Variants in NDUFAF6 observed in about 807,000 individuals in gnomAD.
The protein encoded by NDUFAF6 is NADH:ubiquinone oxidoreductase complex assembly factor 6.
In NDUFAF6, 45 loss-of-function variants were observed where a neutral mutation model predicts 40.8. The ratio of observed to expected loss-of-function variants is 1.10; its 90% CI spans 0.87 to 1.42. NDUFAF6 has a LOEUF of 1.42. NDUFAF6 is among the 40% of genes most tolerant of loss of function. The pLI, the probability that NDUFAF6 is intolerant of heterozygous loss-of-function variation, is 0.00. For missense variants in NDUFAF6, 435 were observed against 418.5 expected, an observed-to-expected ratio of 1.04 and a Z score of -0.34; for synonymous variants, 185 against 155.9, an observed-to-expected ratio of 1.19 and a Z score of -1.39.
At chr8:94,935,128 T>TATAGATAG (rs56734843) in intron 1 of NDUFAF6, among the ~76,000 whole-genome samples, 40,984 of 144,468 alleles carry the variant, frequency 0.28, 6,028 homozygotes, top group Middle Eastern at 0.32. Context: ...GGTAGATAGA[T>TATAGATAG]ATAGATAGAT....
upstream of NDUFAF6, among the ~76,000 whole-genome samples, chr8:95,099,666 C>T (rs1303343969): frequency 6.6e-6 from 1 of 152,110 alleles, no homozygotes; most frequent in East Asian, 1.9e-4. Flanking sequence ...GGAGAGCTCC[C>T]CTAGCAGTAG....
chr8:95,106,385 G>A (rs890721480), downstream of NDUFAF6, among the ~76,000 whole-genome samples: 15 of 152,206 alleles, frequency 9.9e-5, no homozygotes, highest in African/African-American at 3.6e-4. Context: ...AATGGGGAAA[G>A]GATTCCTATT....
chr8:94,976,349 C>T (rs1824933348), intron 1 of NDUFAF6, among the ~76,000 whole-genome samples: 1 of 151,652 alleles, frequency 6.6e-6, no homozygotes. Context: ...ACTAAAAATA[C>T]AAAAATTAGC....
chr8:95,042,344 T>C (rs888879989), intron 4 of NDUFAF6, among the ~76,000 whole-genome samples: 1 of 152,210 alleles, frequency 6.6e-6, no homozygotes, highest in Admixed American at 6.5e-5. Flanking sequence ...GTAAGTTTAC[T>C]TAGTTTATTT....
intron 3 of NDUFAF6, among the ~76,000 whole-genome samples, chr8:95,039,463 A>AAG (rs1554672246): frequency 3.1e-4 from 46 of 149,172 alleles, no homozygotes; most frequent in African/African-American, 1.1e-3. Context: ...AAAAAAAAAA[A>AAG]GGGGGGGTTT....
intron 9 of NDUFAF6, among the ~76,000 whole-genome samples, chr8:95,064,540 CGTGT>C (rs10559024): frequency 4.0e-4 from 60 of 149,478 alleles, no homozygotes; most frequent in East Asian, 1.4e-3. Flanking sequence ...ATCATTTATT[CGTGT>C]GTGTGTGTGT....
At chr8:95,036,361 C>T (rs1399577717) in intron 3 of NDUFAF6, 2 of 1,289,218 alleles carry the variant, frequency 1.6e-6, no homozygotes, top group Admixed American at 2.3e-5. Flanking sequence ...AGTGGTACAC[C>T]TCTTCTCAGG....
intron 1 of NDUFAF6, among the ~76,000 whole-genome samples, chr8:94,914,386 T>C (rs1818988880): frequency 6.6e-6 from 1 of 152,164 alleles, no homozygotes; most frequent in Admixed American, 6.5e-5. Context: ...ACTTACCTGG[T>C]TACTCATGTT....
At chr8:95,012,979 C>T (rs922650440) in intron 2 of NDUFAF6, among the ~76,000 whole-genome samples, 3 of 152,292 alleles carry the variant, frequency 2.0e-5, no homozygotes, top group African/African-American at 4.8e-5. Context: ...ACTTCTATCC[C>T]GTCCCTTATC....
At chr8:95,041,044 T>C (rs1275118746) in intron 3 of NDUFAF6, 1 of 152,296 alleles carries the variant, frequency 6.6e-6, no homozygotes, top group Non-Finnish European at 1.5e-5. Flanking sequence ...TTTTGCTAAA[T>C]AGAATCTTTA....
chr8:95,109,231 G>T (rs1446687863), intron 4 of NDUFAF6, among the ~76,000 whole-genome samples: 1 of 152,172 alleles, frequency 6.6e-6, no homozygotes, highest in African/African-American at 2.4e-5. Flanking sequence ...TTGGGCAATA[G>T]AAATCAAAGT....
At chr8:94,935,128 T>TAGATAG (rs1554630991) in intron 1 of NDUFAF6, among the ~76,000 whole-genome samples, 65 of 144,750 alleles carry the variant, frequency 4.5e-4, no homozygotes, top group African/African-American at 1.1e-3. Context: ...GGTAGATAGA[T>TAGATAG]ATAGATAGAT....
chr8:94,933,424 C>G (rs1820627965), intron 1 of NDUFAF6, among the ~76,000 whole-genome samples: 1 of 152,122 alleles, frequency 6.6e-6, no homozygotes, highest in Non-Finnish European at 1.5e-5. Context: ...AAGAAATCTA[C>G]TGAAACAAAA....
intron 2 of NDUFAF6, among the ~76,000 whole-genome samples, chr8:94,987,964 G>A (rs570840247): frequency 6.6e-5 from 10 of 152,300 alleles, no homozygotes; most frequent in African/African-American, 2.4e-4. Context: ...ATCTAAGTGT[G>A]TATAAAGCTG....
In NDUFAF6 at chr8:95,048,864, T is replaced by C. The variant is rs7839513; in HGVS notation, c.816+306T>C. 0.03 allele frequency among the ~76,000 whole-genome samples: 4,632 copies of C among 152,322 alleles called. 241 individuals are homozygous for C. Among genetic ancestry groups the C allele is most frequent in the African/African-American group, 0.1 (4,307 of 41,560 alleles). On this transcript the variant is annotated intron_variant, in intron 7 of 8. Transcript: ENST00000396124. ...AGGGTGTCTTTCTGCCTTCCAAGGC[T>C]GATGCCTCTCGTCCCCCTCCCAGGG... is the stretch of plus-strand genomic sequence containing the variant.
chr8:94,939,473 T>C (rs1821307395), intron 1 of NDUFAF6, among the ~76,000 whole-genome samples: 1 of 152,228 alleles, frequency 6.6e-6, no homozygotes, highest in African/African-American at 2.4e-5. Context: ...CTTGACTCAA[T>C]GCAACCTCTG....
intron 2 of NDUFAF6, among the ~76,000 whole-genome samples, chr8:95,090,244 C>G (rs1290759612): frequency 6.6e-6 from 1 of 152,190 alleles, no homozygotes; most frequent in African/African-American, 2.4e-5. Context: ...TGTATCAAAT[C>G]AGGGTTTTCC....
In NDUFAF6 at chr8:95,001,160, T is replaced by C. The variant is rs1826715790; in HGVS notation, c.-84+20187T>C. On this transcript the variant is annotated intron_variant, in intron 2 of 9. Transcript: ENST00000396111. The stretch of plus-strand genomic sequence containing the variant: ...TAATAGGGTTGAGGTCTCGCTATGT[T>C]GCCCAGGTTGGTCTTGAACTCCTGA... 4.6e-5 allele frequency among the ~76,000 whole-genome samples: 7 copies of C among 152,170 alleles called. No individual in the cohort carries two copies. In the South Asian group the frequency reaches 1.5e-3, roughly 32 times the overall value.
chr8:94,909,397 A>AAGGC (rs10652190), intron 1 of NDUFAF6, among the ~76,000 whole-genome samples: 88,648 of 135,814 alleles, frequency 0.65, 29,926 homozygotes, highest in East Asian at 0.81. Context: ...TCGGGAGGCC[A>AAGGC]AGGCGGATCA....
Sources: gnomAD v4.1 joint callset for allele counts (sites outside exome capture counted in the v4.1 genomes callset) on GRCh38, gnomAD v4.1.1 for gene constraint, MANE v1.5 for transcripts, NCBI Gene and HGNC (gene_info 2026-07-23, HGNC 2026-07-21) for gene names.